The following PSD3 variants were observed in gnomAD, a reference collection of about 807,000 sequenced individuals.
The protein encoded by PSD3 is PH and SEC7 domain-containing protein 3.
A neutral mutation model predicts 105.5 loss-of-function variants in PSD3; 49 were observed. That is an observed-to-expected ratio of 0.46 (90% confidence interval 0.37 to 0.59). The LOEUF is 0.59. PSD3 is among the 20% of genes least tolerant of loss of function. The pLI, the probability that PSD3 is intolerant of heterozygous loss-of-function variation, is 0.00. For synonymous variants in PSD3, 557 were observed against 457.8 expected, an observed-to-expected ratio of 1.22 and a Z score of -2.77; for missense variants, 1,561 against 1,263.8, an observed-to-expected ratio of 1.24 and a Z score of -3.57.
intron 9 of PSD3, among the ~76,000 whole-genome samples, chr8:18,676,607 A>G (rs1405472454): frequency 6.6e-6 from 1 of 152,186 alleles, no homozygotes; most frequent in African/African-American, 2.4e-5. Flanking sequence ...CAATTGATTT[A>G]CAGCCTTGTT....
At chr8:18,565,712 G>T (rs561305741) in intron 14 of PSD3, among the ~76,000 whole-genome samples, 3 of 152,148 alleles carry the variant, frequency 2.0e-5, no homozygotes, top group Non-Finnish European at 2.9e-5. Flanking sequence ...ATTTAGGGGA[G>T]TCAGAGCCAG....
chr8:18,570,670 A>G, intron 14 of PSD3, among the ~76,000 whole-genome samples: 1 of 150,016 alleles, frequency 6.7e-6, no homozygotes. Context: ...AAGGACATGA[A>G]CAGACACTTC....
chr8:18,929,050 C>G (rs914078292), intron 2 of PSD3, among the ~76,000 whole-genome samples: 2 of 152,112 alleles, frequency 1.3e-5, no homozygotes, highest in Non-Finnish European at 2.9e-5. Flanking sequence ...ATTCTATGAA[C>G]GTACTAAAAA....
At chr8:18,827,839 T>C (rs1813325515) in intron 4 of PSD3, among the ~76,000 whole-genome samples, 1 of 151,498 alleles carries the variant, frequency 6.6e-6, no homozygotes, top group South Asian at 2.1e-4. Context: ...TCAAGGTTTC[T>C]GACTTGAACA....
At chr8:18,928,550 C>T (rs759369316) in intron 2 of PSD3, among the ~76,000 whole-genome samples, 1 of 152,098 alleles carries the variant, frequency 6.6e-6, no homozygotes, top group Non-Finnish European at 1.5e-5. Context: ...AATTTTACAG[C>T]AAAACTAGTC....
chr8:19,064,205 A>G (rs1449975161), intron 1 of PSD3, among the ~76,000 whole-genome samples: 1 of 152,174 alleles, frequency 6.6e-6, no homozygotes, highest in East Asian at 1.9e-4. Context: ...CAAGTACCTG[A>G]GTTCTAGTTA....
chr8:18,856,249 G>A (rs1197593984), intron 4 of PSD3, among the ~76,000 whole-genome samples: 1 of 152,182 alleles, frequency 6.6e-6, no homozygotes, highest in East Asian at 1.9e-4. Flanking sequence ...CATGAAGCCT[G>A]GCTCTCTGGG....
intron 1 of PSD3, among the ~76,000 whole-genome samples, chr8:18,993,857 T>TAC (rs1825929252): frequency 5.0e-5 from 6 of 119,832 alleles, no homozygotes; most frequent in Non-Finnish European, 1.2e-4. Flanking sequence ...ACAATTTGAT[T>TAC]ATATCAAACA....
At chr8:18,697,140 A>G (rs1801305184) in intron 9 of PSD3, among the ~76,000 whole-genome samples, 2 of 152,198 alleles carry the variant, frequency 1.3e-5, no homozygotes, top group South Asian at 4.1e-4. Flanking sequence ...GAGATATTTT[A>G]CATTATTTTT....
intron 1 of PSD3, among the ~76,000 whole-genome samples, chr8:19,071,920 G>A (rs977176065): frequency 1.3e-5 from 2 of 152,114 alleles, no homozygotes; most frequent in Admixed American, 6.5e-5. Flanking sequence ...ATGTTGGTCA[G>A]GCTGGTCTGG....
chr8:18,952,021 G>T (rs571523713), intron 1 of PSD3, among the ~76,000 whole-genome samples: 2 of 152,218 alleles, frequency 1.3e-5, no homozygotes, highest in African/African-American at 2.4e-5. Context: ...AATGTTCCTT[G>T]CTACATAAGA....
chr8:18,580,388 A>T (rs58206991), intron 12 of PSD3, among the ~76,000 whole-genome samples: 1 of 152,202 alleles, frequency 6.6e-6, no homozygotes, highest in African/African-American at 2.4e-5. Context: ...GATGCGACCC[A>T]GTAAACTTTT....
intron 12 of PSD3, among the ~76,000 whole-genome samples, chr8:18,582,123 AAGTC>A (rs1275799489): frequency 6.6e-6 from 1 of 152,162 alleles, no homozygotes; most frequent in Non-Finnish European, 1.5e-5. Flanking sequence ...TTATTTTCAA[AAGTC>A]ACAGGAAGGG....
chr8:18,670,480 G>T (rs942596071), intron 9 of PSD3, among the ~76,000 whole-genome samples: 2 of 152,186 alleles, frequency 1.3e-5, no homozygotes, highest in Non-Finnish European at 2.9e-5. Flanking sequence ...GAGGCAGGTG[G>T]AATCTGGGTG....
intron 9 of PSD3, among the ~76,000 whole-genome samples, chr8:18,660,385 G>A (rs182372928): frequency 6.6e-6 from 1 of 152,252 alleles, no homozygotes; most frequent in East Asian, 1.9e-4. Flanking sequence ...CTCTGCAATT[G>A]TGAGAATGCA....
chr8:18,574,814 G>GT (rs1802373002), intron 13 of PSD3, among the ~76,000 whole-genome samples: 1 of 152,114 alleles, frequency 6.6e-6, no homozygotes, highest in Non-Finnish European at 1.5e-5. Context: ...ATCTAGGTCT[G>GT]TTTTACTCAT....
At chr8:18,982,697 A>G (rs1016863232) in intron 1 of PSD3, among the ~76,000 whole-genome samples, 2 of 152,186 alleles carry the variant, frequency 1.3e-5, no homozygotes, top group African/African-American at 2.4e-5. Flanking sequence ...GATATTCTGA[A>G]ATAAATATTC....
At chr8:18,956,964 A>G in intron 1 of PSD3, among the ~76,000 whole-genome samples, 1 of 152,170 alleles carries the variant, frequency 6.6e-6, no homozygotes, top group East Asian at 1.9e-4. Flanking sequence ...GATAACCAAG[A>G]GTTACATGCC....
Position 18,572,685 on chromosome 8 carries a change from G to C in PSD3, c.2640-13C>G, listed in dbSNP as rs376282396. On this transcript the variant is annotated splice_polypyrimidine_tract_variant and intron_variant, in intron 13 of 15. Transcript: ENST00000327040. Reference sequence around the variant, plus strand: ...TTCCTCTGGGCTCCTATGAGAAATAGATATGTTTATATCAGGATATTGCCA... The same window carrying C: ...TTCCTCTGGGCTCCTATGAGAAATACATATGTTTATATCAGGATATTGCCA... The C allele has an allele frequency of 1.2e-6, 2 of 1,613,038 alleles. No individual in the cohort carries two copies. Among genetic ancestry groups the C allele is most frequent in the Non-Finnish European group, 1.7e-6 (2 of 1,179,332 alleles).
Sources: gnomAD v4.1 joint callset for allele counts (sites outside exome capture counted in the v4.1 genomes callset) on GRCh38, gnomAD v4.1.1 for gene constraint, MANE v1.5 for transcripts, NCBI Gene and HGNC (gene_info 2026-07-23, HGNC 2026-07-21) for gene names.